WDFY2: variants seen among roughly 807,000 people sequenced by gnomAD.
WDFY2 encodes the protein WD repeat and FYVE domain containing 2, also known as WD repeat and FYVE domain-containing protein 2.
WDFY2 carries 36 observed loss-of-function variants against 56.4 expected under a neutral mutation model. The ratio of observed to expected loss-of-function variants is 0.64; its 90% CI spans 0.49 to 0.84. WDFY2 has a LOEUF of 0.84. Ranked by LOEUF, WDFY2 falls within the 40% of genes least tolerant of loss-of-function variation. The pLI, the probability that WDFY2 is intolerant of heterozygous loss-of-function variation, is 0.00. For missense variants in WDFY2, 444 were observed against 512.2 expected (o/e 0.87, Z 1.29); for synonymous variants, 176 against 183.7 (o/e 0.96, Z 0.34).
chr13:51,721,388 T>G (rs1478670488), intron 5 of WDFY2, among the ~76,000 whole-genome samples: 1 of 152,046 alleles, frequency 6.6e-6, no homozygotes, highest in Non-Finnish European at 1.5e-5. Flanking sequence ...GGAAAAAAAA[T>G]ACAGATCTTG....
chr13:51,703,964 C>G (rs926202140), intron 4 of WDFY2, among the ~76,000 whole-genome samples: 1 of 152,184 alleles, frequency 6.6e-6, no homozygotes, highest in Non-Finnish European at 1.5e-5. Context: ...CAGTAAAAAG[C>G]TGCCTTAATA....
chr13:51,654,823 A>C (rs1593942591), intron 1 of WDFY2, among the ~76,000 whole-genome samples: 1 of 152,212 alleles, frequency 6.6e-6, no homozygotes, highest in Middle Eastern at 3.4e-3. Flanking sequence ...CTCAGGAGAT[A>C]AGAGAACAGA....
chr13:51,644,745 A>C lies in WDFY2; in HGVS notation c.138-15851A>C, dbSNP rs962481380. On this transcript the variant is annotated intron_variant, in intron 1 of 11. Coordinates refer to ENST00000298125, the MANE Select transcript of WDFY2 (RefSeq NM_052950.4). Reference sequence around the variant, plus strand: ...AAAAGTCCAGGTGTATGATTCAGCAAAGTTATTTGGGTCTGTTGTACCAAG... The same window carrying C: ...AAAAGTCCAGGTGTATGATTCAGCACAGTTATTTGGGTCTGTTGTACCAAG... 3.3e-5 allele frequency among the ~76,000 whole-genome samples: 5 copies of C among 152,292 alleles called. No individual in the cohort carries two copies. The East Asian group carries it at 9.6e-4, about 29-fold the overall frequency.
At chr13:51,751,651 T>A (rs1458959410) in intron 8 of WDFY2, among the ~76,000 whole-genome samples, 1 of 152,168 alleles carries the variant, frequency 6.6e-6, no homozygotes, top group African/African-American at 2.4e-5. Context: ...TTAAATCTGT[T>A]ACACCATTCA....
At chr13:51,622,166 T>C (rs564660097) in intron 1 of WDFY2, among the ~76,000 whole-genome samples, 2 of 152,256 alleles carry the variant, frequency 1.3e-5, no homozygotes, top group Non-Finnish European at 2.9e-5. Flanking sequence ...CTGTGATTGC[T>C]GCAGGAGGCC....
At chr13:51,651,994 G>C (rs189879388) in intron 1 of WDFY2, among the ~76,000 whole-genome samples, 58 of 152,336 alleles carry the variant, frequency 3.8e-4, no homozygotes, top group Non-Finnish European at 7.2e-4. Flanking sequence ...AATGTTGACA[G>C]TGTGGTTGTT....
intron 1 of WDFY2, among the ~76,000 whole-genome samples, chr13:51,593,026 T>C (rs190900574): frequency 4.7e-4 from 71 of 152,336 alleles, no homozygotes; most frequent in Non-Finnish European, 8.4e-4. Context: ...CTTAGCACAG[T>C]GACTGTTAGT....
intron 1 of WDFY2, among the ~76,000 whole-genome samples, chr13:51,622,012 G>C (rs1021169259): frequency 6.6e-6 from 1 of 152,132 alleles, no homozygotes; most frequent in African/African-American, 2.4e-5. Context: ...GTGTGTGTGA[G>C]AGAGAGAAGG....
At chr13:51,643,674 G>C (rs887101045) in intron 1 of WDFY2, among the ~76,000 whole-genome samples, 1 of 151,990 alleles carries the variant, frequency 6.6e-6, no homozygotes, top group African/African-American at 2.4e-5. Context: ...TAATAACTAG[G>C]GCCCTGTCCA....
At chr13:51,626,500 C>G (rs992796625) in intron 1 of WDFY2, among the ~76,000 whole-genome samples, 1 of 152,180 alleles carries the variant, frequency 6.6e-6, no homozygotes, top group African/African-American at 2.4e-5. Flanking sequence ...TTCTCTTTCT[C>G]CACCAGTGAG....
rs1953528066 is a variant in WDFY2, at chr13:51,759,931, A to C, written c.*162A>C. 3.0e-6 allele frequency: 2 copies of C among 658,662 alleles called. No homozygotes were observed. Among genetic ancestry groups the C allele is most frequent in the Non-Finnish European group, 5.2e-6 (2 of 384,392 alleles). The allele number at this position is 658,662 out of a possible 1,614,324, so 40.8% of individuals were successfully genotyped here. The stretch of plus-strand genomic sequence containing the variant: ...CCATGTGCACAGTGGGGACCTGGCC[A>C]GTGAGCACTCGCAAGGGGACTCTTC... On this transcript the variant is annotated 3_prime_UTR_variant, in exon 12 of 12. Coordinates refer to ENST00000298125, the MANE Select transcript of WDFY2 (RefSeq NM_052950.4).
chr13:51,711,632 A>T (rs1339362283), intron 4 of WDFY2, among the ~76,000 whole-genome samples: 1 of 152,256 alleles, frequency 6.6e-6, no homozygotes, highest in African/African-American at 2.4e-5. Context: ...TGGGCAAAGG[A>T]TATAAACAGA....
chr13:51,596,852 C>A (rs958306213), intron 1 of WDFY2, among the ~76,000 whole-genome samples: 6 of 152,188 alleles, frequency 3.9e-5, no homozygotes, highest in Non-Finnish European at 7.3e-5. Flanking sequence ...CTGTACACCA[C>A]GTGACTTGGG....
At chr13:51,732,167 G>A (rs949927377) in intron 6 of WDFY2, among the ~76,000 whole-genome samples, 5 of 152,028 alleles carry the variant, frequency 3.3e-5, no homozygotes, top group Non-Finnish European at 7.4e-5. Context: ...ATCTCGCTCT[G>A]TCGTCCAGGC....
chr13:51,669,687 G>A (rs557178133), intron 2 of WDFY2, among the ~76,000 whole-genome samples: 1 of 152,286 alleles, frequency 6.6e-6, no homozygotes, highest in South Asian at 2.1e-4. Flanking sequence ...AATATAGGAA[G>A]CTAGAATATA....
chr13:51,686,836 T>C (rs1471566154), intron 3 of WDFY2, among the ~76,000 whole-genome samples: 1 of 152,036 alleles, frequency 6.6e-6, no homozygotes, highest in Non-Finnish European at 1.5e-5. Context: ...GGAAAAGTAA[T>C]AGCTTAGCAA....
chr13:51,651,626 T>C (rs369414432), intron 1 of WDFY2, among the ~76,000 whole-genome samples: 5 of 152,198 alleles, frequency 3.3e-5, no homozygotes, highest in Admixed American at 6.5e-5. Context: ...TCTTTGTTCT[T>C]GTTGGTTTCA....
chr13:51,752,908 T>C (rs1953269093), intron 8 of WDFY2: 1 of 152,226 alleles, frequency 6.6e-6, no homozygotes. Flanking sequence ...TGTGTGATGC[T>C]CACCTTGGGA....
chr13:51,679,908 C>T (rs1955949734), intron 3 of WDFY2, among the ~76,000 whole-genome samples: 1 of 152,026 alleles, frequency 6.6e-6, no homozygotes, highest in Admixed American at 6.6e-5. Flanking sequence ...GTCTCTATGT[C>T]TTCACATGGA....
Sources: gnomAD v4.1 joint callset for allele counts (sites outside exome capture counted in the v4.1 genomes callset) on GRCh38, gnomAD v4.1.1 for gene constraint, MANE v1.5 for transcripts, NCBI Gene and HGNC (gene_info 2026-07-23, HGNC 2026-07-21) for gene names.